The following ARMC9 variants were observed in gnomAD, a reference collection of about 807,000 sequenced individuals.
ARMC9 encodes armadillo repeat containing 9, also known as lisH domain-containing protein ARMC9.
In ARMC9, 94 loss-of-function variants were observed where a neutral mutation model predicts 107.0. The ratio of observed to expected loss-of-function variants is 0.88; its 90% CI spans 0.74 to 1.04. ARMC9 has a LOEUF of 1.04. Ranked by LOEUF, ARMC9 falls within the 50% of genes least tolerant of loss-of-function variation. The pLI, the probability that ARMC9 is intolerant of heterozygous loss-of-function variation, is 0.00. For missense variants in ARMC9, 942 were observed against 1,030.1 expected (o/e 0.91, Z 1.17); for synonymous variants, 380 against 396.9 (o/e 0.96, Z 0.51).
Position 231,243,016 on chromosome 2 carries a change from G to A in ARMC9, c.879+2975G>A, listed in dbSNP as rs527256232. Among the ~76,000 whole-genome samples the A allele has an allele frequency of 8.9e-4, 136 of 152,296 alleles. 1 individual carries two copies. Among genetic ancestry groups the A allele is most frequent in the African/African-American group, 2.9e-3 (121 of 41,568 alleles). The stretch of plus-strand genomic sequence containing the variant: ...AATCCCAGCACTTTGGGAGGCCGAG[G>A]CGGGCAGATGACAAGGTCAGGAGAT... On this transcript the variant is annotated intron_variant, in intron 9 of 24. Coordinates refer to ENST00000611582, the MANE Select transcript of ARMC9 (RefSeq NM_001352754.2).
intron 19 of ARMC9, among the ~76,000 whole-genome samples, chr2:231,329,942 C>T (rs1216800908): frequency 1.3e-5 from 2 of 152,108 alleles, no homozygotes; most frequent in Non-Finnish European, 2.9e-5. Flanking sequence ...ATTTGCTTTT[C>T]TTGCCTTGTC....
intron 15 of ARMC9, among the ~76,000 whole-genome samples, chr2:231,278,111 G>A (rs140964578): frequency 3.6e-4 from 55 of 152,264 alleles, no homozygotes; most frequent in African/African-American, 1.2e-3. Context: ...ACTGAGCACC[G>A]AGGTTCTATG....
intron 12 of ARMC9, among the ~76,000 whole-genome samples, chr2:231,267,150 G>C (rs2038921823): frequency 6.6e-6 from 1 of 152,240 alleles, no homozygotes; most frequent in Non-Finnish European, 1.5e-5. Context: ...GTAATCAAAA[G>C]TGGGAGAGAG....
intron 4 of ARMC9, 132 bp from the exon 5 acceptor site, chr2:231,216,506 G>A: frequency 1.0e-6 from 1 of 996,868 alleles, no homozygotes; most frequent in South Asian, 1.6e-5. Flanking sequence ...TAGAGACAAT[G>A]CACCTGCCAG....
rs1179053704 is a variant in ARMC9 at position 231,239,370 on chromosome 2, C to T, written c.781-573C>T. Among the ~76,000 whole-genome samples, 6 of 152,184 alleles carry T rather than the reference C, an allele frequency of 3.9e-5. No individual in the cohort carries two copies. In the East Asian group the frequency reaches 7.7e-4, roughly 20 times the overall value. On this transcript the variant is annotated intron_variant, in intron 8 of 24. Coordinates refer to ENST00000611582, the MANE Select transcript of ARMC9 (RefSeq NM_001352754.2). ...TGATGGCGACAGCAGCTCAGCCGCA[C>T]GTTGTCGAGCACTGGATAGTTGATT...
intron 12 of ARMC9, among the ~76,000 whole-genome samples, chr2:231,264,871 C>T (rs1245694401): frequency 6.6e-6 from 1 of 151,924 alleles, no homozygotes; most frequent in East Asian, 2.0e-4. Flanking sequence ...CTTTGGTAGG[C>T]CGAGGCGGGT....
At chr2:231,355,648 G>C in intron 21 of ARMC9, 150 bp from the exon 22 acceptor site, 1 of 999,026 alleles carries the variant, frequency 1.0e-6, no homozygotes, top group Non-Finnish European at 1.4e-6. Flanking sequence ...CTCCTGCCAA[G>C]ACCCTTTAGA....
chr2:231,324,158 T>G (rs1164595725), intron 19 of ARMC9, among the ~76,000 whole-genome samples: 1 of 146,276 alleles, frequency 6.8e-6, no homozygotes, highest in Non-Finnish European at 1.5e-5. Context: ...GATGTAGTCT[T>G]GCTCTGTTGC....
At chr2:231,266,195 A>G (rs528923992) in intron 12 of ARMC9, among the ~76,000 whole-genome samples, 56 of 152,262 alleles carry the variant, frequency 3.7e-4, no homozygotes, top group African/African-American at 1.3e-3. Context: ...ATGCATCGTT[A>G]TCTCCTGGAG....
chr2:231,305,550 C>T (rs1354738201), intron 19 of ARMC9, among the ~76,000 whole-genome samples: 4 of 152,186 alleles, frequency 2.6e-5, no homozygotes, highest in East Asian at 1.9e-4. Context: ...ATCTTTAATT[C>T]GACAGGCTAT....
chr2:231,341,375 T>C (rs1376143320), intron 20 of ARMC9, among the ~76,000 whole-genome samples: 1 of 152,210 alleles, frequency 6.6e-6, no homozygotes, highest in East Asian at 1.9e-4. Context: ...CAGCCAAATC[T>C]GCCCCTACAG....
chr2:231,222,819 A>G lies in ARMC9; in HGVS notation c.596A>G (p.Tyr199Cys), dbSNP rs778206708. 1.3e-6 allele frequency: 2 copies of G among 1,566,096 alleles called. No individual in the cohort carries two copies. The highest frequency in any genetic ancestry group is 1.1e-5 in the South Asian group (1 of 87,058). The change falls in exon 6 of 25, where the codon TAT becomes TGT. Residue 199 changes from tyrosine (Y) to cysteine (C), a missense_variant and splice_region_variant. Transcript: ENST00000611582. ...ASNTPKLLTIYKENGQSNKEI... is the reference protein window; with the variant it reads ...ASNTPKLLTICKENGQSNKEI... Reference sequence around the variant, plus strand: ...AACACGCCAAAGCTTTTAACAATATATGTATCCTTTTGAAGCAAATAGAGA... The same window carrying G: ...AACACGCCAAAGCTTTTAACAATATGTGTATCCTTTTGAAGCAAATAGAGA...
At chr2:231,328,854 G>C (rs570014526) in intron 19 of ARMC9, among the ~76,000 whole-genome samples, 32 of 103,140 alleles carry the variant, frequency 3.1e-4, no homozygotes, top group African/African-American at 1.0e-3. Context: ...TTGCTCTGTC[G>C]CCCAGGCTGG....
intron 20 of ARMC9, among the ~76,000 whole-genome samples, chr2:231,337,627 G>A (rs867594737): frequency 2.0e-5 from 3 of 150,568 alleles, no homozygotes; most frequent in South Asian, 4.2e-4. Flanking sequence ...CCGCCACTAC[G>A]CCCGGCTAGT....
intron 21 of ARMC9, among the ~76,000 whole-genome samples, chr2:231,349,646 G>A (rs2044966768): frequency 6.6e-6 from 1 of 152,180 alleles, no homozygotes; most frequent in South Asian, 2.1e-4. Flanking sequence ...ACCAGGTGCG[G>A]TAGCGAGTGC....
chr2:231,276,363 C>T (rs200032381), intron 14 of ARMC9, among the ~76,000 whole-genome samples: 7 of 151,890 alleles, frequency 4.6e-5, no homozygotes, highest in Middle Eastern at 3.4e-3. Flanking sequence ...CTCTGCCTCC[C>T]GGGTTCAAGC....
Position 231,208,197 on chromosome 2 carries a change from C to T in ARMC9, c.122C>T (p.Pro41Leu). 6.2e-7 allele frequency: 1 copy of T among 1,609,820 alleles called. No individual in the cohort carries two copies. The highest frequency in any genetic ancestry group is 2.2e-5 in the East Asian group (1 of 44,782). ...AAAGAATGCAAAATAAAAGGAAAAC[C>T]ATTGTGTAAAACAGTAGGCGGATCT... ...FSKECKIKGK[P>L]LCKTVGGSFR... is the part of the protein sequence containing the mutation. The change falls in exon 3 of 25, where the codon CCA (proline) becomes CTA (leucine). Residue 41 changes from proline (P) to leucine (L), a missense_variant. Transcript: ENST00000611582.
At position 231,282,114 on chromosome 2, in the gene ARMC9, G is replaced by A. The variant is rs747666182; in HGVS notation, c.1607G>A (p.Arg536His). The A allele has an allele frequency of 6.8e-6, 11 of 1,613,984 alleles. 1 individual carries two copies. The highest frequency in any genetic ancestry group is 5.0e-5 in the Admixed American group (3 of 59,996). The change falls in exon 17 of 25, where the codon CGT becomes CAT. Residue 536 changes from arginine to histidine, a missense_variant. Physicochemically the swap from Arg to His is conservative, Grantham distance 29. Transcript: ENST00000611582. ...AGCATCCTTTCTGTTCCATCCATTC[G>A]TGAGGAAGCAAGAGCAATGGTAAGA... ...LYSILSVPSI[R>H]EEARAMGMED...
chr2:231,237,143 G>C (rs2035784539), intron 8 of ARMC9, among the ~76,000 whole-genome samples: 1 of 151,032 alleles, frequency 6.6e-6, no homozygotes, highest in Non-Finnish European at 1.5e-5. Context: ...ACATTGTCTT[G>C]TGTATTATTT....
Sources: gnomAD v4.1 joint callset for allele counts (sites outside exome capture counted in the v4.1 genomes callset) on GRCh38, gnomAD v4.1.1 for gene constraint, MANE v1.5 for transcripts, NCBI Gene and HGNC (gene_info 2026-07-23, HGNC 2026-07-21) for gene names.